LEPR: variants seen among roughly 807,000 people sequenced by gnomAD.
LEPR encodes leptin receptor, also known as OB receptor.
In LEPR, 56 loss-of-function variants were observed where a neutral mutation model predicts 114.7. That is an observed-to-expected ratio of 0.49 (90% CI 0.39 to 0.61). The LOEUF is 0.61. Ranked by LOEUF, LEPR falls within the 20% of genes least tolerant of loss-of-function variation. The pLI is 0.00. For synonymous variants in LEPR, 443 were observed against 461.4 expected (o/e 0.96, Z 0.51); for missense variants, 1,202 against 1,352.9 (o/e 0.89, Z 1.75).
Position 65,618,332 on chromosome 1 carries a change from T to TC in LEPR, c.2395+186_2395+187insC, listed in dbSNP as rs397797195. ...CTCTTCCTCTTCTCTTCTCTTCTCT[T>TC]TTCTTTTCTTTTCGGCAGGGTCTCT... On this transcript the variant is annotated intron_variant, in intron 16 of 19. Transcript: ENST00000349533. Among the ~76,000 whole-genome samples, 30,775 of 151,102 alleles carry TC rather than the reference T, an allele frequency of 0.2. 4,114 individuals carry two copies. Among genetic ancestry groups the TC allele is most frequent in the East Asian group, 0.71 (3,569 of 5,016 alleles).
At chr1:65,635,611 AT>A (rs1658691139) in intron 19 of LEPR, among the ~76,000 whole-genome samples, 2 of 152,272 alleles carry the variant, frequency 1.3e-5, no homozygotes, top group South Asian at 4.1e-4. Flanking sequence ...TATACAGCAG[AT>A]AAGTTTTTAA....
rs1028150323 is a variant in LEPR at position 65,506,530 on chromosome 1, T to G, written c.-20-59016T>G. Reference sequence around the variant, plus strand: ...ATGCAGTGTGACAGTGACTTAGAACTTCCATGTTCACAGATCCAGCGCTGT... The same window carrying G: ...ATGCAGTGTGACAGTGACTTAGAACGTCCATGTTCACAGATCCAGCGCTGT... On this transcript the variant is annotated intron_variant, in intron 2 of 19. Transcript: ENST00000349533. Among the ~76,000 whole-genome samples, 32 of 152,208 alleles carry G rather than the reference T, an allele frequency of 2.1e-4. 1 individual carries two copies. The highest frequency in any genetic ancestry group is 7.5e-4 in the African/African-American group (31 of 41,452).
intron 5 of LEPR, among the ~76,000 whole-genome samples, chr1:65,586,980 AG>A (rs1435754970): frequency 6.6e-6 from 1 of 151,622 alleles, no homozygotes; most frequent in African/African-American, 2.4e-5. Flanking sequence ...TGAAGGGATG[AG>A]GAAACCATAG....
At chr1:65,497,385 C>G (rs1172109754) in intron 2 of LEPR, among the ~76,000 whole-genome samples, 1 of 152,130 alleles carries the variant, frequency 6.6e-6, no homozygotes, top group Non-Finnish European at 1.5e-5. Flanking sequence ...TTCCACATGA[C>G]AGCTGTTCAG....
rs201286263 is a variant in LEPR at position 65,457,143 on chromosome 1, T to C, written c.-21+31765T>C. Among the ~76,000 whole-genome samples the C allele has an allele frequency of 3.3e-5, 5 of 152,280 alleles. No homozygotes were observed. The East Asian group carries it at 9.6e-4, about 29-fold the overall frequency. On this transcript the variant is annotated intron_variant, in intron 2 of 19. Coordinates refer to ENST00000349533, the MANE Select transcript of LEPR (RefSeq NM_002303.6). ...CCCTTGTGTCAATGCTGTTATTCAT[T>C]TTACTTATATGTAAGCATACATAAG...
In LEPR at chr1:65,596,583, T is replaced by G. The variant is rs769755646; in HGVS notation, c.839T>G (p.Val280Gly). Residue 280 changes from valine to glycine, a missense_variant, in exon 7 of 20, where the codon GTT becomes GGT. Physicochemically the swap from Val to Gly is moderately radical, Grantham distance 109. Transcript: ENST00000349533. Reference protein sequence around the residue: ...QVKYSENSTTVIREADKIVSA... With the variant: ...QVKYSENSTTGIREADKIVSA... ...AAATATTCAGAGAATTCTACAACAG[T>G]TATCAGAGAAGTAAGTATATTTTAG... 4 of 1,612,120 alleles carry G rather than the reference T, an allele frequency of 2.5e-6. No individual in the cohort carries two copies. Among genetic ancestry groups the G allele is most frequent in the Non-Finnish European group, 3.4e-6 (4 of 1,178,756 alleles).
Position 65,636,634 on chromosome 1 carries a change from A to G in LEPR, c.3117A>G (p.Leu1039=). ...WEIEAQAFFI[L]SDQHPNIISP... Reference sequence around the variant, plus strand: ...TAGAGGCCCAGGCATTTTTTATATTATCAGATCAGCATCCCAACATAATTT... The same window carrying G: ...TAGAGGCCCAGGCATTTTTTATATTGTCAGATCAGCATCCCAACATAATTT... The change falls in exon 20 of 20, where the codon TTA becomes TTG. Residue 1039 remains leucine, a synonymous_variant. Transcript: ENST00000349533. 1 of 1,613,052 alleles carries G rather than the reference A, an allele frequency of 6.2e-7. No homozygotes were observed. The highest frequency in any genetic ancestry group is 8.5e-7 in the Non-Finnish European group (1 of 1,179,500).
chr1:65,470,367 T>C (rs1293384898), intron 2 of LEPR, among the ~76,000 whole-genome samples: 1 of 152,210 alleles, frequency 6.6e-6, no homozygotes, highest in African/African-American at 2.4e-5. Flanking sequence ...TAAATAGGAT[T>C]TCGGTAATCT....
chr1:65,603,868 T>TC (rs1656628006), intron 10 of LEPR, among the ~76,000 whole-genome samples: 1 of 152,222 alleles, frequency 6.6e-6, no homozygotes, highest in South Asian at 2.1e-4. Context: ...TTTTTTTAAA[T>TC]TTTCTTTTCT....
intron 2 of LEPR, among the ~76,000 whole-genome samples, chr1:65,550,442 G>A (rs569246645): frequency 6.6e-6 from 1 of 152,228 alleles, no homozygotes; most frequent in Non-Finnish European, 1.5e-5. Context: ...AGGCAGGCAG[G>A]CCTCCTTGAG....
intron 1 of LEPR, among the ~76,000 whole-genome samples, chr1:65,424,324 G>C (rs1201816034): frequency 6.6e-6 from 1 of 152,046 alleles, no homozygotes; most frequent in Non-Finnish European, 1.5e-5. Context: ...AATGATCAAA[G>C]GTATATATTA....
At chr1:65,454,063 T>C (rs1412762313) in intron 2 of LEPR, among the ~76,000 whole-genome samples, 2 of 151,448 alleles carry the variant, frequency 1.3e-5, no homozygotes, top group Admixed American at 6.6e-5. Context: ...TTTTGATCTT[T>C]GTTGGTTTAA....
intron 14 of LEPR, among the ~76,000 whole-genome samples, chr1:65,615,205 G>A (rs1196036565): frequency 7.9e-5 from 12 of 152,250 alleles, no homozygotes; most frequent in East Asian, 1.9e-4. Context: ...GCAAGAAATT[G>A]AGATGTACTG....
intron 2 of LEPR, among the ~76,000 whole-genome samples, chr1:65,558,501 G>GTTTTTTT (rs781558613): frequency 2.2e-4 from 5 of 23,166 alleles, no homozygotes; most frequent in African/African-American, 4.2e-4. Context: ...GTTTCTTAAT[G>GTTTTTTT]TTTTTTTTTT....
At chr1:65,622,310 G>C (rs1156505500) in intron 18 of LEPR, among the ~76,000 whole-genome samples, 1 of 152,040 alleles carries the variant, frequency 6.6e-6, no homozygotes, top group Non-Finnish European at 1.5e-5. Flanking sequence ...TGGTGACCTG[G>C]AGCAGTCAGT....
At chr1:65,499,441 C>G (rs936136360) in intron 2 of LEPR, among the ~76,000 whole-genome samples, 2 of 152,000 alleles carry the variant, frequency 1.3e-5, no homozygotes, top group Non-Finnish European at 2.9e-5. Flanking sequence ...TGGGGCAAAT[C>G]GATGAGGCAG....
At chr1:65,545,726 GT>G (rs1651651077) in intron 2 of LEPR, among the ~76,000 whole-genome samples, 1 of 152,208 alleles carries the variant, frequency 6.6e-6, no homozygotes, top group African/African-American at 2.4e-5. Context: ...CAGATGAGTA[GT>G]TTGTGAAAAT....
intron 5 of LEPR, among the ~76,000 whole-genome samples, chr1:65,578,046 G>A (rs1654717078): frequency 6.6e-6 from 1 of 151,226 alleles, no homozygotes; most frequent in African/African-American, 2.5e-5. Flanking sequence ...ACTTATGAGT[G>A]AGAACGTAGT....
intron 2 of LEPR, among the ~76,000 whole-genome samples, chr1:65,549,632 C>G (rs1470931538): frequency 2.0e-5 from 3 of 152,038 alleles, no homozygotes; most frequent in Non-Finnish European, 4.4e-5. Flanking sequence ...GCATTCTTCA[C>G]GTAGTTCTCG....
Sources: gnomAD v4.1 joint callset for allele counts (sites outside exome capture counted in the v4.1 genomes callset) on GRCh38, gnomAD v4.1.1 for gene constraint, MANE v1.5 for transcripts, NCBI Gene and HGNC (gene_info 2026-07-23, HGNC 2026-07-21) for gene names.